Variants in IRF4 observed in about 807,000 individuals in gnomAD.
IRF4 encodes the protein lymphocyte-specific interferon regulatory factor.
In IRF4, 13 loss-of-function variants were observed where a neutral mutation model predicts 55.5. The observed-to-expected ratio is 0.23, with a 90% CI of 0.15 to 0.37. IRF4 has a LOEUF of 0.37. Among genes scored for constraint, IRF4 ranks in the 10% least tolerant of loss-of-function variants. The probability of loss-of-function intolerance (pLI) is 1.00; values close to 1 mark genes in which losing one functional copy is unlikely to be tolerated. For synonymous variants in IRF4, 249 were observed against 240.7 expected (o/e 1.03, Z -0.32); for missense variants, 397 against 593.8 (o/e 0.67, Z 3.44).
At chr6:402,202 G>C (rs1200047637) in intron 7 of IRF4, among the ~76,000 whole-genome samples, 1 of 152,250 alleles carries the variant, frequency 6.6e-6, no homozygotes, top group African/African-American at 2.4e-5. Context: ...GTGAGACGGA[G>C]GGTGGAGTGG....
intron 6 of IRF4, among the ~76,000 whole-genome samples, chr6:400,873 G>T (rs1268616442): frequency 6.6e-6 from 1 of 152,018 alleles, no homozygotes; most frequent in Non-Finnish European, 1.5e-5. Context: ...TCAGGTATGT[G>T]GACCGACTTG....
chr6:393,239 C>A lies in IRF4; in HGVS notation c.87C>A (p.Ile29=), dbSNP rs1170344681. ...ACGGGAAGCTCCGCCAGTGGCTGATCGACCAGATCGACAGCGGCAAGTACC... is the reference window on the plus strand; with the variant it reads ...ACGGGAAGCTCCGCCAGTGGCTGATAGACCAGATCGACAGCGGCAAGTACC... ...CGNGKLRQWL[I]DQIDSGKYPG... is the part of the protein sequence containing the mutation. The change falls in exon 2 of 9, where the codon ATC becomes ATA. Residue 29 remains isoleucine, a synonymous_variant. Coordinates refer to ENST00000380956, the MANE Select transcript of IRF4 (RefSeq NM_002460.4). The surrounding 1 kb of genome is among the most constrained non-coding windows in gnomAD (Gnocchi z 5.4). The A allele has an allele frequency of 1.3e-6, 2 of 1,579,740 alleles. No individual in the cohort carries two copies. The highest frequency in any genetic ancestry group is 1.7e-6 in the Non-Finnish European group (2 of 1,162,720).
chr6:405,249 A>G, intron 8 of IRF4, 119 bp downstream of exon 8: 1 of 651,262 alleles, frequency 1.5e-6, no homozygotes, highest in Non-Finnish European at 2.7e-6. Flanking sequence ...AAATAAGCGT[A>G]ACCCTTAAAC....
intron 4 of IRF4, among the ~76,000 whole-genome samples, chr6:396,326 T>A (rs1761257465): frequency 6.6e-6 from 1 of 152,194 alleles, no homozygotes; most frequent in African/African-American, 2.4e-5. Context: ...GAAGGCAAAT[T>A]CCCCTGTGGT....
intron 3 of IRF4, 22 bp downstream of exon 3, chr6:395,029 G>A: frequency 6.4e-7 from 1 of 1,565,706 alleles, no homozygotes; most frequent in Non-Finnish European, 8.7e-7. Context: ...CCTGAATTTG[G>A]GTCACCTAAC....
At chr6:401,372 C>T (rs1045720105) in intron 6 of IRF4, 52 bp from the exon 7 acceptor site, 12 of 1,410,520 alleles carry the variant, frequency 8.5e-6, no homozygotes, top group South Asian at 6.2e-5. Context: ...TCGTTGGCCT[C>T]GAGGTGGTGT....
intron 4 of IRF4, 57 bp from the exon 5 acceptor site, chr6:397,051 T>G (rs896662991): frequency 4.3e-6 from 5 of 1,164,336 alleles, no homozygotes; most frequent in Non-Finnish European, 5.5e-6. Context: ...CCTGCACTCC[T>G]TTACCCCCGT....
chr6:400,682 A>G (rs1761372303), intron 6 of IRF4, among the ~76,000 whole-genome samples: 1 of 152,202 alleles, frequency 6.6e-6, no homozygotes, highest in South Asian at 2.1e-4. Context: ...AGAAATCACC[A>G]TTAAGGCCTC....
rs1430853975 is a variant in IRF4 at position 408,962 on chromosome 6, A to C, written c.*1364A>C. On this transcript the variant is annotated 3_prime_UTR_variant, in exon 9 of 9. Coordinates refer to ENST00000380956, the MANE Select transcript of IRF4 (RefSeq NM_002460.4). ...AATCCCAAAGACCTCCACTTGCTTA[A>C]GTATACCTATCACTTACATTTTTGT... is the stretch of plus-strand genomic sequence containing the variant. The C allele has an allele frequency of 4.4e-6, 1 of 228,022 alleles. No homozygotes were observed. Among genetic ancestry groups the C allele is most frequent in the Non-Finnish European group, 8.7e-6 (1 of 114,786 alleles). 14.1% of individuals were successfully genotyped at this position (228,022 alleles called of 1,614,324 possible).
At chr6:394,224 C>T (rs1419476941) in intron 2 of IRF4, among the ~76,000 whole-genome samples, 2 of 152,172 alleles carry the variant, frequency 1.3e-5, no homozygotes, top group Non-Finnish European at 1.5e-5. Context: ...TGTCCTTAGT[C>T]CTAGGCAAGC....
intron 8 of IRF4, chr6:406,823 T>C: frequency 8.5e-7 from 1 of 1,182,716 alleles, no homozygotes; most frequent in Non-Finnish European, 1.1e-6. Flanking sequence ...AATATCATGA[T>C]TGATGGAGAG....
intron 2 of IRF4, among the ~76,000 whole-genome samples, chr6:394,092 C>G (rs1433188614): frequency 6.6e-6 from 1 of 152,174 alleles, no homozygotes; most frequent in African/African-American, 2.4e-5. Flanking sequence ...GCCCAGCCCC[C>G]ACCTGTGGGC....
chr6:403,062 T>G (rs1761448908), intron 7 of IRF4, among the ~76,000 whole-genome samples: 1 of 152,080 alleles, frequency 6.6e-6, no homozygotes, highest in Non-Finnish European at 1.5e-5. Context: ...ATAACTAAGC[T>G]CACACAGAGG....
chr6:393,458 AG>A lies in IRF4; in HGVS notation c.216+94del. On this transcript the variant is annotated intron_variant, in intron 2 of 8. Coordinates refer to ENST00000380956, the MANE Select transcript of IRF4 (RefSeq NM_002460.4). The surrounding 1 kb of genome is among the most constrained non-coding windows in gnomAD (Gnocchi z 5.4). ...CCGGCGCCGCCTCCGAGGCGAGCCC[AG>A]GGGACCGCGCGGGGCGGACGGGCGG... 1 of 983,380 alleles carries A rather than the reference AG, an allele frequency of 1.0e-6. No homozygotes were observed. Among genetic ancestry groups the A allele is most frequent in the Non-Finnish European group, 1.4e-6 (1 of 734,466 alleles). 60.9% of individuals were successfully genotyped at this position (983,380 alleles called of 1,614,324 possible).
Position 408,227 on chromosome 6 carries a change from CGTAAAAGAAATGTATTAAT to C in IRF4, c.*633_*651del, listed in dbSNP as rs1385404768. On this transcript the variant is annotated 3_prime_UTR_variant, in exon 9 of 9. Coordinates refer to ENST00000380956, the MANE Select transcript of IRF4 (RefSeq NM_002460.4). The stretch of plus-strand genomic sequence containing the variant: ...AGATGTAAATTGAAGAAGCCTCACA[CGTAAAAGAAATGTATTAAT>C]GTATGTAGGAGCTGCAGTTCTTGTG... 3.8e-4 allele frequency: 88 copies of C among 232,768 alleles called. 2 individuals carry two copies. The East Asian group carries it at 5.3e-3, about 14-fold the overall frequency. 14.4% of individuals were successfully genotyped at this position (232,768 alleles called of 1,614,324 possible). A position where few individuals can be genotyped will look rare whatever the true frequency, so the allele number is the denominator to read the frequency against.
At position 411,187 on chromosome 6, in the gene IRF4, C is replaced by G. The variant is rs1186101575; in HGVS notation, c.*3589C>G. 4.3e-6 allele frequency: 1 copy of G among 231,214 alleles called. No individual in the cohort carries two copies. The highest frequency in any genetic ancestry group is 5.6e-5 in the Admixed American group (1 of 17,714). The allele number at this position is 231,214 out of a possible 1,614,324, so 14.3% of individuals were successfully genotyped here. A position where few individuals can be genotyped will look rare whatever the true frequency, so the allele number is the denominator to read the frequency against. On this transcript the variant is annotated 3_prime_UTR_variant, in exon 9 of 9. Transcript: ENST00000380956. Reference sequence around the variant, plus strand: ...TCCACTTCCCCCTCTTCAGCATCCCCCGTACCCCACTTTCTGCTGAAAGAA... The same window carrying G: ...TCCACTTCCCCCTCTTCAGCATCCCGCGTACCCCACTTTCTGCTGAAAGAA...
In IRF4 at chr6:409,113, T is replaced by C. The variant is rs1174159388; in HGVS notation, c.*1515T>C. ...GTAGCTCTCAAATGTGTGTTCCTGC[T>C]TTTCTAATGGATATTTTAAATTCAT... On this transcript the variant is annotated 3_prime_UTR_variant, in exon 9 of 9. Coordinates refer to ENST00000380956, the MANE Select transcript of IRF4 (RefSeq NM_002460.4). The C allele has an allele frequency of 4.6e-6, 1 of 216,530 alleles. No homozygotes were observed. Among genetic ancestry groups the C allele is most frequent in the African/African-American group, 2.3e-5 (1 of 44,386 alleles). The allele number at this position is 216,530 out of a possible 1,614,324, so 13.4% of individuals were successfully genotyped here.
chr6:404,842 C>T (rs1761502907), intron 7 of IRF4, among the ~76,000 whole-genome samples, 176 bp from the exon 8 acceptor site: 1 of 152,242 alleles, frequency 6.6e-6, no homozygotes, highest in East Asian at 1.9e-4. Context: ...CAAAGGAATG[C>T]ATACATGCTA....
At position 393,445 on chromosome 6, in the gene IRF4, C is replaced by T; in HGVS notation, c.216+77C>T. On this transcript the variant is annotated intron_variant, in intron 2 of 8. Coordinates refer to ENST00000380956, the MANE Select transcript of IRF4 (RefSeq NM_002460.4). The surrounding 1 kb of genome is among the most constrained non-coding windows in gnomAD (Gnocchi z 5.4). ...GAGCCCGGGGTCCCCGGCGCCGCCT[C>T]CGAGGCGAGCCCAGGGGACCGCGCG... 2 of 1,105,914 alleles carry T rather than the reference C, an allele frequency of 1.8e-6. No individual in the cohort carries two copies. Among genetic ancestry groups the T allele is most frequent in the Admixed American group, 3.5e-5 (1 of 28,282 alleles). The allele number at this position is 1,105,914 out of a possible 1,614,324, so 68.5% of individuals were successfully genotyped here. A position where few individuals can be genotyped will look rare whatever the true frequency, so the allele number is the denominator to read the frequency against.
Sources: allele counts gnomAD v4.1 joint callset (sites outside exome capture counted in the v4.1 genomes callset), GRCh38; gene constraint gnomAD v4.1.1; non-coding constraint Gnocchi (gnomAD v3.1); transcripts MANE v1.5; gene names NCBI Gene and HGNC (gene_info 2026-07-23, HGNC 2026-07-21).